The following CERS3 variants were observed in gnomAD, a reference collection of about 807,000 sequenced individuals.
CERS3 encodes LAG1 homolog, ceramide synthase 3.
Under a neutral mutation model 50.3 loss-of-function variants are expected in CERS3, and 33 were observed. The ratio of observed to expected loss-of-function variants is 0.66; its 90% CI spans 0.50 to 0.88. CERS3 has a LOEUF of 0.88. CERS3 is among the 40% of genes least tolerant of loss of function. CERS3 has a pLI of 0.00. For synonymous variants in CERS3, 176 were observed against 155.2 expected (o/e 1.13, Z -0.99); for missense variants, 470 against 460.3 (o/e 1.02, Z -0.19).
chr15:100,543,592 C>T lies in CERS3; in HGVS notation c.-355+1059G>A, dbSNP rs569380812. ...TTGCCCAGGCTGGAGTGCAATGGCG[C>T]GATCTCGGCTCACTGTCACCTCTGC... On this transcript the variant is annotated intron_variant, in intron 1 of 12. Transcript: ENST00000284382. Among the ~76,000 whole-genome samples the T allele has an allele frequency of 4.0e-5, 6 of 150,402 alleles. No individual in the cohort carries two copies. The South Asian group carries it at 6.3e-4, about 16-fold the overall frequency.
At chr15:100,502,265 AAAAAAG>A (rs1567666868) in intron 2 of CERS3, among the ~76,000 whole-genome samples, 13 of 138,908 alleles carry the variant, frequency 9.4e-5, no homozygotes, top group African/African-American at 3.3e-4. Context: ...AAAAAAAAAA[AAAAAAG>A]AAAGAAAGAA....
At chr15:100,483,936 A>G (rs1293810144) in intron 5 of CERS3, among the ~76,000 whole-genome samples, 1 of 150,792 alleles carries the variant, frequency 6.6e-6, no homozygotes, top group Non-Finnish European at 1.5e-5. Flanking sequence ...GCCCGCCACC[A>G]CGCCCAGCTA....
chr15:100,510,162 C>T (rs1036374424), intron 2 of CERS3, among the ~76,000 whole-genome samples: 1 of 152,064 alleles, frequency 6.6e-6, no homozygotes, highest in African/African-American at 2.4e-5. Context: ...TGTACCATTT[C>T]ACATGAAGAA....
At chr15:100,478,017 G>C (rs369439703) in intron 7 of CERS3, among the ~76,000 whole-genome samples, 4 of 152,238 alleles carry the variant, frequency 2.6e-5, no homozygotes, top group Middle Eastern at 3.4e-3. Context: ...TGTATACAGT[G>C]TCTGTCATTT....
chr15:100,503,076 G>A (rs2036060265), intron 2 of CERS3, among the ~76,000 whole-genome samples: 1 of 152,126 alleles, frequency 6.6e-6, no homozygotes, highest in South Asian at 2.1e-4. Flanking sequence ...TGATCATTTT[G>A]GACTTGGGAT....
At chr15:100,467,597 G>A (rs1454676659) in intron 10 of CERS3, among the ~76,000 whole-genome samples, 1 of 151,782 alleles carries the variant, frequency 6.6e-6, no homozygotes, top group East Asian at 1.9e-4. Context: ...GTGTTATACA[G>A]CAACAGGCAA....
chr15:100,411,761 A>C (rs2031508785), intron 11 of CERS3, among the ~76,000 whole-genome samples: 1 of 152,196 alleles, frequency 6.6e-6, no homozygotes, highest in Non-Finnish European at 1.5e-5. Context: ...CAGCAGTTCC[A>C]TCAACACTTG....
At chr15:100,537,942 A>G (rs2037112359) in intron 1 of CERS3, among the ~76,000 whole-genome samples, 1 of 152,214 alleles carries the variant, frequency 6.6e-6, no homozygotes, top group Non-Finnish European at 1.5e-5. Flanking sequence ...GTTACTTCCT[A>G]GATACAATGG....
chr15:100,475,353 A>G (rs1218608048), intron 8 of CERS3, among the ~76,000 whole-genome samples: 2 of 152,224 alleles, frequency 1.3e-5, no homozygotes, highest in African/African-American at 4.8e-5. Flanking sequence ...CTAATATTAA[A>G]TGTCATTGTA....
At chr15:100,491,795 A>G (rs2142301247) in intron 3 of CERS3, among the ~76,000 whole-genome samples, 1 of 151,516 alleles carries the variant, frequency 6.6e-6, no homozygotes, top group African/African-American at 2.4e-5. Flanking sequence ...TTGCAAATTT[A>G]CCTTGTGATT....
chr15:100,494,331 T>C (rs929913438), intron 3 of CERS3, among the ~76,000 whole-genome samples: 1 of 149,478 alleles, frequency 6.7e-6, no homozygotes, highest in Admixed American at 6.7e-5. Flanking sequence ...CACTGCAAGC[T>C]CCACCTCCCA....
chr15:100,416,668 C>A (rs1306655766), intron 11 of CERS3, among the ~76,000 whole-genome samples: 5 of 152,070 alleles, frequency 3.3e-5, no homozygotes, highest in African/African-American at 1.2e-4. Flanking sequence ...CTTATAAAAC[C>A]ATCAGATCTC....
At chr15:100,462,353 G>A (rs1410881587) in intron 10 of CERS3, among the ~76,000 whole-genome samples, 1 of 152,180 alleles carries the variant, frequency 6.6e-6, no homozygotes. Context: ...AGCTGGTTTT[G>A]CTGGACTAGC....
chr15:100,414,548 C>A (rs577991483), intron 11 of CERS3, among the ~76,000 whole-genome samples: 5 of 152,158 alleles, frequency 3.3e-5, no homozygotes, highest in African/African-American at 9.6e-5. Context: ...GCTACAAAAA[C>A]CAAAACAGCA....
chr15:100,411,382 G>C (rs893181719), intron 11 of CERS3, among the ~76,000 whole-genome samples: 2 of 152,030 alleles, frequency 1.3e-5, no homozygotes, highest in African/African-American at 4.8e-5. Context: ...GGCTGGTCTT[G>C]AACTCCTGAC....
chr15:100,426,928 G>C (rs1047085067), intron 11 of CERS3, among the ~76,000 whole-genome samples: 6 of 152,148 alleles, frequency 3.9e-5, no homozygotes, highest in Non-Finnish European at 8.8e-5. Context: ...TTTCCAGCCT[G>C]TTACACTCAA....
rs145899470 is a variant in CERS3 at position 100,467,850 on chromosome 15, T to TATATATATAGATAGATAGATAG, written c.845+1527_845+1528insCTATCTATCTATCTATATATAT. Reference sequence around the variant, plus strand: ...ATATATATACGTGTATATATATATATATAGATAGATAGATAGATAGATAGA... The same window carrying TATATATATAGATAGATAGATAG: ...ATATATATACGTGTATATATATATATATATATATAGATAGATAGATAGATAGATAGATAGATAGATAGATAGA... On this transcript the variant is annotated intron_variant, in intron 10 of 11. Transcript: ENST00000679737. Among the ~76,000 whole-genome samples, 2 of 93,138 alleles carry TATATATATAGATAGATAGATAG rather than the reference T, an allele frequency of 2.1e-5. 1 individual carries two copies. Among genetic ancestry groups the TATATATATAGATAGATAGATAG allele is most frequent in the African/African-American group, 7.5e-5 (2 of 26,814 alleles). The allele number at this position is 93,138 out of a possible 152,430, so 61.1% of individuals were successfully genotyped here.
At chr15:100,452,293 G>T (rs1417777946) in intron 11 of CERS3, among the ~76,000 whole-genome samples, 1 of 152,070 alleles carries the variant, frequency 6.6e-6, no homozygotes, top group African/African-American at 2.4e-5. Context: ...GACCACAATG[G>T]ATTAGAACTA....
intron 8 of CERS3, among the ~76,000 whole-genome samples, chr15:100,473,658 C>T (rs1287690405): frequency 6.6e-6 from 1 of 152,142 alleles, no homozygotes; most frequent in Non-Finnish European, 1.5e-5. Flanking sequence ...CAAGTGTTGG[C>T]AAGGATGTGG....
Sources: gnomAD v4.1 joint callset for allele counts (sites outside exome capture counted in the v4.1 genomes callset) on GRCh38, gnomAD v4.1.1 for gene constraint, MANE v1.5 for transcripts, NCBI Gene and HGNC (gene_info 2026-07-23, HGNC 2026-07-21) for gene names.